CSNK1G2: variants seen among roughly 807,000 people sequenced by gnomAD.
CSNK1G2 encodes the protein casein kinase 1 gamma 2.
Under a neutral mutation model 48.0 loss-of-function variants are expected in CSNK1G2, and 11 were observed. The ratio of observed to expected loss-of-function variants is 0.23; its 90% CI spans 0.14 to 0.38. The LOEUF (loss-of-function observed/expected upper bound fraction) is 0.38, where lower values mean the gene tolerates loss of function less well. CSNK1G2 is among the 10% of genes least tolerant of loss of function. The pLI is 1.00. For synonymous variants in CSNK1G2, 337 were observed against 254.1 expected, an observed-to-expected ratio of 1.33 and a Z score of -3.10; for missense variants, 446 against 595.5, an observed-to-expected ratio of 0.75 and a Z score of 2.61.
intron 1 of CSNK1G2, among the ~76,000 whole-genome samples, chr19:1,961,005 G>T (rs974632922): frequency 6.6e-6 from 1 of 152,234 alleles, no homozygotes; most frequent in Admixed American, 6.5e-5. Context: ...GTGTGGGCCG[G>T]TGTGCGGCGG....
At chr19:1,944,746 G>T (rs895001666) in intron 1 of CSNK1G2, among the ~76,000 whole-genome samples, 1 of 152,162 alleles carries the variant, frequency 6.6e-6, no homozygotes, top group Non-Finnish European at 1.5e-5. Flanking sequence ...CAAAGTGAGG[G>T]TCTGGGACCA....
chr19:1,955,559 GAGTC>G (rs2014963299), intron 1 of CSNK1G2, among the ~76,000 whole-genome samples: 1 of 152,244 alleles, frequency 6.6e-6, no homozygotes, highest in African/African-American at 2.4e-5. Context: ...GAGGCTCCGC[GAGTC>G]GGGGGCAGCG....
At position 1,961,402 on chromosome 19, in the gene CSNK1G2, C is replaced by T. The variant is rs577897665; in HGVS notation, c.-265-8106C>T. ...TCCCTCCTGGCTGGGGTGTGTGCGT[C>T]ACCCTGAGTCTCCAGCCCATGCTGA... On this transcript the variant is annotated intron_variant, in intron 1 of 11. Coordinates refer to ENST00000255641, the MANE Select transcript of CSNK1G2 (RefSeq NM_001319.7). 3.3e-5 allele frequency among the ~76,000 whole-genome samples: 5 copies of T among 152,364 alleles called. No individual in the cohort carries two copies. In the East Asian group the frequency reaches 9.6e-4, roughly 29 times the overall value.
chr19:1,980,666 G>A lies in CSNK1G2; in HGVS notation c.*463G>A, dbSNP rs546915323. ...AGGGGAGGGCAGGCCCGGCCTGGAG[G>A]GGTGCTGTGGAGCTGTCTTGCCCAG... On this transcript the variant is annotated 3_prime_UTR_variant, in exon 12 of 12. Transcript: ENST00000255641. 9.8e-6 allele frequency: 2 copies of A among 204,568 alleles called. No individual in the cohort carries two copies. Among genetic ancestry groups the A allele is most frequent in the African/African-American group, 4.8e-5 (2 of 42,040 alleles). The allele number at this position is 204,568 out of a possible 1,614,324, so 12.7% of individuals were successfully genotyped here.
At position 1,979,275 on chromosome 19, in the gene CSNK1G2, C is replaced by G. The variant is rs1236571791; in HGVS notation, c.768+27C>G. On this transcript the variant is annotated intron_variant, in intron 7 of 11. Transcript: ENST00000255641. ...TGGGCGAGGAGGCCGGGCAGGCGGGCGGGGACGCAGGGCGGGAGCAAGGCT... is the reference window on the plus strand; with the variant it reads ...TGGGCGAGGAGGCCGGGCAGGCGGGGGGGGACGCAGGGCGGGAGCAAGGCT... 2.6e-6 allele frequency: 4 copies of G among 1,567,086 alleles called. No homozygotes were observed. The South Asian group carries it at 3.5e-5, about 14-fold the overall frequency.
intron 1 of CSNK1G2, among the ~76,000 whole-genome samples, chr19:1,956,007 A>G (rs917843269): frequency 1.3e-5 from 2 of 152,190 alleles, no homozygotes; most frequent in Non-Finnish European, 2.9e-5. Flanking sequence ...GTCGGCACAC[A>G]GCCCGGGCTG....
At chr19:1,961,559 G>A (rs1038760780) in intron 1 of CSNK1G2, among the ~76,000 whole-genome samples, 5 of 152,260 alleles carry the variant, frequency 3.3e-5, no homozygotes, top group Admixed American at 1.3e-4. Context: ...GAGCCTGGGA[G>A]GGGCCCCAGT....
chr19:1,973,346 A>G (rs916115312), intron 2 of CSNK1G2, among the ~76,000 whole-genome samples: 7 of 151,844 alleles, frequency 4.6e-5, no homozygotes, highest in African/African-American at 1.7e-4. Flanking sequence ...TCAGCCTCCC[A>G]AGTAGATGAG....
At chr19:1,953,287 C>T (rs529394389) in intron 1 of CSNK1G2, 29 of 467,986 alleles carry the variant, frequency 6.2e-5, no homozygotes, top group Admixed American at 3.5e-4. Context: ...GCTCTGCCCC[C>T]GGGCCACGGA....
intron 2 of CSNK1G2, among the ~76,000 whole-genome samples, chr19:1,970,628 G>C (rs1284299511): frequency 6.6e-6 from 1 of 152,216 alleles, no homozygotes; most frequent in Non-Finnish European, 1.5e-5. Flanking sequence ...GAGCACCTTT[G>C]GGGCCGTTCC....
chr19:1,956,644 A>G (rs1274770482), intron 1 of CSNK1G2, among the ~76,000 whole-genome samples: 2 of 152,216 alleles, frequency 1.3e-5, no homozygotes, highest in Non-Finnish European at 2.9e-5. Flanking sequence ...GACCCTCCAC[A>G]GAGGGGCTGG....
chr19:1,960,657 G>C (rs554118155), intron 1 of CSNK1G2, among the ~76,000 whole-genome samples: 1 of 152,336 alleles, frequency 6.6e-6, no homozygotes, highest in African/African-American at 2.4e-5. Context: ...GGAGGCTAAG[G>C]TGGGTGGATC....
intron 2 of CSNK1G2, among the ~76,000 whole-genome samples, chr19:1,971,486 C>G (rs1362018266): frequency 6.6e-6 from 1 of 152,260 alleles, no homozygotes. Context: ...CGCTCAGACA[C>G]ACGTGCAGAC....
rs374624626 is a variant in CSNK1G2, at chr19:1,978,409, C to T, written c.229-33C>T. 9.9e-6 allele frequency: 16 copies of T among 1,611,900 alleles called. No individual in the cohort carries two copies. The highest frequency in any genetic ancestry group is 6.7e-5 in the East Asian group (3 of 44,824). Reference sequence around the variant, plus strand: ...CCCCAGGGATTTCAGGGCAGCGACCCGGTCCCCTGGTGACTCGCTCTTGTG... The same window carrying T: ...CCCCAGGGATTTCAGGGCAGCGACCTGGTCCCCTGGTGACTCGCTCTTGTG... On this transcript the variant is annotated intron_variant, in intron 3 of 11. Coordinates refer to ENST00000255641, the MANE Select transcript of CSNK1G2 (RefSeq NM_001319.7). This position sits in a 1 kb window ranked among gnomAD's most constrained non-coding sequence, Gnocchi z 7.3.
At position 1,979,893 on chromosome 19, in the gene CSNK1G2, C is replaced by A. The variant is rs1209286941; in HGVS notation, c.1087-18C>A. 6.2e-7 allele frequency: 1 copy of A among 1,606,390 alleles called. No homozygotes were observed. Among genetic ancestry groups the A allele is most frequent in the African/African-American group, 1.3e-5 (1 of 74,760 alleles). ...AGGGGCATGGGCGGCCAGCGTGACC[C>A]CCTACTGCCCCCACCAGGCGTTGAA... is the stretch of plus-strand genomic sequence containing the variant. On this transcript the variant is annotated intron_variant, in intron 10 of 11. Transcript: ENST00000255641.
At position 1,980,284 on chromosome 19, in the gene CSNK1G2, CCACAGCGGCCCAGGG is replaced by C; in HGVS notation, c.*83_*97del. On this transcript the variant is annotated 3_prime_UTR_variant, in exon 12 of 12. Coordinates refer to ENST00000255641, the MANE Select transcript of CSNK1G2 (RefSeq NM_001319.7). ...CTTGTGCGAGGCCCTCGGGGCCCAC[CCACAGCGGCCCAGGG>C]CCAGACCCTGGCTGGAAGCCAGAAC... is the stretch of plus-strand genomic sequence containing the variant. The C allele has an allele frequency of 6.5e-7, 1 of 1,537,450 alleles. No homozygotes were observed. Among genetic ancestry groups the C allele is most frequent in the South Asian group, 1.1e-5 (1 of 88,570 alleles).
In CSNK1G2 at chr19:1,979,077, C is replaced by T; in HGVS notation, c.666C>T (p.Asn222=). The T allele has an allele frequency of 6.3e-7, 1 of 1,598,062 alleles. No individual in the cohort carries two copies. The highest frequency in any genetic ancestry group is 8.5e-7 in the Non-Finnish European group (1 of 1,178,568). ...LTGTARYMSI[N]THLGKEQSRR... ...GCACGGCGCGCTACATGAGCATCAACACGCACCTGGGCAAGGGTGAGCTGC... is the reference window on the plus strand; with the variant it reads ...GCACGGCGCGCTACATGAGCATCAATACGCACCTGGGCAAGGGTGAGCTGC... The change falls in exon 6 of 12, where the codon AAC becomes AAT. Residue 222 remains asparagine (N), a synonymous_variant. Coordinates refer to ENST00000255641, the MANE Select transcript of CSNK1G2 (RefSeq NM_001319.7).
At chr19:1,964,766 C>T (rs573854197) in intron 1 of CSNK1G2, among the ~76,000 whole-genome samples, 2 of 151,114 alleles carry the variant, frequency 1.3e-5, no homozygotes, top group East Asian at 3.9e-4. Flanking sequence ...TCGCTCGTCA[C>T]CCAGGCTGGA....
chr19:1,958,298 G>A (rs2015067263), intron 1 of CSNK1G2, among the ~76,000 whole-genome samples: 2 of 152,052 alleles, frequency 1.3e-5, no homozygotes, highest in South Asian at 4.1e-4. Flanking sequence ...TGGGCAGCGA[G>A]TGTGTATGTT....
Sources: allele counts gnomAD v4.1 joint callset (sites outside exome capture counted in the v4.1 genomes callset), GRCh38; gene constraint gnomAD v4.1.1; non-coding constraint Gnocchi (gnomAD v3.1); transcripts MANE v1.5; gene names NCBI Gene and HGNC (gene_info 2026-07-23, HGNC 2026-07-21).